The following MRPL38 variants were observed in gnomAD, a reference collection of about 807,000 sequenced individuals.
The protein encoded by MRPL38 is mitochondrial ribosomal protein L38.
MRPL38 carries 51 observed loss-of-function variants against 52.1 expected under a neutral mutation model. The observed-to-expected ratio is 0.98, with a 90% CI of 0.78 to 1.24. The LOEUF (loss-of-function observed/expected upper bound fraction) is 1.24. Ranked by LOEUF, MRPL38 falls within the 50% of genes most tolerant of loss-of-function variation. The probability of loss-of-function intolerance (pLI) is 0.00; values close to 1 mark genes in which losing one functional copy is unlikely to be tolerated. For missense variants in MRPL38, 527 were observed against 518.6 expected, an observed-to-expected ratio of 1.02 and a Z score of -0.16; for synonymous variants, 245 against 212.7, an observed-to-expected ratio of 1.15 and a Z score of -1.32.
Position 75,899,142 on chromosome 17 carries a change from G to T in MRPL38, c.1006+16C>A. 1 of 1,593,848 alleles carries T rather than the reference G, an allele frequency of 6.3e-7. No homozygotes were observed. The highest frequency in any genetic ancestry group is 1.8e-5 in the Admixed American group (1 of 56,584). On this transcript the variant is annotated intron_variant, in intron 8 of 8. Coordinates refer to ENST00000309352, the MANE Select transcript of MRPL38 (RefSeq NM_032478.4). ...GAGCTCAGGCCCACCCAGTGCCCCA[G>T]CCCCATGGCCCTTACCCAGAAGCTG...
rs1437519337 is a variant in MRPL38, at chr17:75,901,130, C to T, written c.664+71G>A. On this transcript the variant is annotated intron_variant, in intron 5 of 8. Coordinates refer to ENST00000309352, the MANE Select transcript of MRPL38 (RefSeq NM_032478.4). The surrounding 1 kb of genome is among the most constrained non-coding windows in gnomAD (Gnocchi z 5.7). The stretch of plus-strand genomic sequence containing the variant: ...CTGGAGATCTCCACCTGGCCCCTCC[C>T]CCAGCCCCCCAGGGCCCTGGCTCAT... 6 of 1,599,374 alleles carry T rather than the reference C, an allele frequency of 3.8e-6. No individual in the cohort carries two copies. Among genetic ancestry groups the T allele is most frequent in the Non-Finnish European group, 5.1e-6 (6 of 1,173,766 alleles).
At position 75,904,655 on chromosome 17, in the gene MRPL38, G is replaced by A. The variant is rs761960297; in HGVS notation, c.132C>T (p.Asn44=). The A allele has an allele frequency of 1.3e-6, 2 of 1,598,548 alleles. No homozygotes were observed. Among genetic ancestry groups the A allele is most frequent in the Non-Finnish European group, 1.7e-6 (2 of 1,178,842 alleles). Residue 44 remains asparagine (N), a synonymous_variant, in exon 2 of 9, where the codon AAC becomes AAT. Coordinates refer to ENST00000309352, the MANE Select transcript of MRPL38 (RefSeq NM_032478.4). ...PMPNSDIDLS[N]LERLEKYRSF... is the part of the protein sequence containing the mutation. Reference sequence around the variant, plus strand: ...TCCGGTACTTCTCCAGCCGCTCCAGGTTGCTCAAGTCGATGTCACTGTTGG... The same window carrying A: ...TCCGGTACTTCTCCAGCCGCTCCAGATTGCTCAAGTCGATGTCACTGTTGG...
At chr17:75,902,287 A>C in intron 2 of MRPL38, 133 bp from the exon 3 acceptor site, 1 of 1,075,240 alleles carries the variant, frequency 9.3e-7, no homozygotes. Context: ...TATTTTTTGT[A>C]GAGACAGGGT....
rs77809424 is a variant in MRPL38 at position 75,899,810 on chromosome 17, G to A, written c.711-136C>T. ...TAAGCATCTCTCTCCTGGGACAGAG[G>A]AGGCAGCCAAGCTCTGTGAACGCCG... On this transcript the variant is annotated intron_variant, in intron 6 of 8. Transcript: ENST00000309352. The A allele has an allele frequency of 1.2e-3, 900 of 720,982 alleles. 17 individuals carry two copies. In the East Asian group the frequency reaches 0.029, roughly 24 times the overall value. 44.7% of individuals were successfully genotyped at this position (720,982 alleles called of 1,614,324 possible).
chr17:75,903,882 C>T (rs1239313598), intron 2 of MRPL38, among the ~76,000 whole-genome samples: 2 of 152,128 alleles, frequency 1.3e-5, no homozygotes, highest in Non-Finnish European at 2.9e-5. Flanking sequence ...GCATGCGACA[C>T]CACGCCCAGT....
intron 6 of MRPL38, 172 bp from the exon 7 acceptor site, chr17:75,899,846 C>T: frequency 2.2e-6 from 1 of 463,034 alleles, no homozygotes; most frequent in East Asian, 3.6e-5. Context: ...GGACATGCTG[C>T]AAATACGGGA....
intron 2 of MRPL38, among the ~76,000 whole-genome samples, chr17:75,903,350 A>G (rs979075439): frequency 1.3e-5 from 2 of 152,216 alleles, no homozygotes; most frequent in South Asian, 2.1e-4. Flanking sequence ...CAGAGGTTGC[A>G]GTGAGTCATC....
At chr17:75,902,527 G>A (rs1858593149) in intron 2 of MRPL38, among the ~76,000 whole-genome samples, 4 of 152,200 alleles carry the variant, frequency 2.6e-5, no homozygotes, top group South Asian at 2.1e-4. Context: ...GATTATAGGC[G>A]CAAGCCACTG....
chr17:75,902,681 C>T (rs972808344), intron 2 of MRPL38, among the ~76,000 whole-genome samples: 4 of 152,206 alleles, frequency 2.6e-5, no homozygotes, highest in Non-Finnish European at 5.9e-5. Flanking sequence ...ACTTCCCAGA[C>T]CTGAATAGGA....
In MRPL38 at chr17:75,902,041, G is replaced by A. The variant is rs368760194; in HGVS notation, c.361C>T (p.Arg121Trp). The change falls in exon 3 of 9, where the codon CGG becomes TGG. Residue 121 changes from arginine to tryptophan, a missense_variant. Coordinates refer to ENST00000309352, the MANE Select transcript of MRPL38 (RefSeq NM_032478.4). ...TTACCTGTGCGGAGGCGGGCAGCCC[G>A]CTCCTCTTCCACATTGGCCCGAAGC... ...QELRANVEEE[R>W]AARLRTASVP... 1.9e-5 allele frequency: 31 copies of A among 1,613,486 alleles called. No homozygotes were observed. The highest frequency in any genetic ancestry group is 1.9e-4 in the African/African-American group (14 of 75,024).
chr17:75,899,131 C>G (rs1345255983), intron 8 of MRPL38, 27 bp downstream of exon 8: 1 of 1,587,768 alleles, frequency 6.3e-7, no homozygotes, highest in East Asian at 2.3e-5. Context: ...TCAGGCCCAC[C>G]CAGTGCCCCA....
chr17:75,904,770 G>GGGGGCCGGCCC, intron 1 of MRPL38, 39 bp downstream of exon 1: 1 of 500,008 alleles, frequency 2.0e-6, no homozygotes, highest in Non-Finnish European at 2.8e-6. Context: ...TCGGGCGACA[G>GGGGGCCGGCCC]CCCCCCCCCC....
chr17:75,899,008 C>T (rs767642278), intron 8 of MRPL38, 22 bp from the exon 9 acceptor site: 18 of 1,575,444 alleles, frequency 1.1e-5, no homozygotes, highest in Non-Finnish European at 1.4e-5. Context: ...GTGAGGGGTA[C>T]GGGGTGGTCT....
In MRPL38 at chr17:75,899,593, G is replaced by A; in HGVS notation, c.792C>T (p.Gly264=). ...AGAGCAGGAAGGCAAGACGGTGGAT[G>A]CCGGAGCCTCGGGCAGGGAAGGGGG... The part of the protein sequence containing the change: ...YLPPFPARGS[G]IHRLAFLLFK... Residue 264 remains glycine, a synonymous_variant, in exon 7 of 9, where the codon GGC becomes GGT. Transcript: ENST00000309352. 2 of 1,608,862 alleles carry A rather than the reference G, an allele frequency of 1.2e-6. No individual in the cohort carries two copies. Among genetic ancestry groups the A allele is most frequent in the Non-Finnish European group, 1.7e-6 (2 of 1,176,924 alleles).
At position 75,904,790 on chromosome 17, in the gene MRPL38, A is replaced by G. The variant is rs1003344998; in HGVS notation, c.67+19T>C. 2.8e-5 allele frequency: 13 copies of G among 459,026 alleles called. No individual in the cohort carries two copies. In the Admixed American group the frequency reaches 3.5e-4, roughly 12 times the overall value. 28.4% of individuals were successfully genotyped at this position (459,026 alleles called of 1,614,324 possible). The stretch of plus-strand genomic sequence containing the variant: ...CGACAGCCCCCCCCCCCCCCCCCGC[A>G]GAGCTGCCCACCCCTCACCCGAGGT... On this transcript the variant is annotated intron_variant, in intron 1 of 8. Coordinates refer to ENST00000309352, the MANE Select transcript of MRPL38 (RefSeq NM_032478.4).
intron 2 of MRPL38, 137 bp downstream of exon 2, chr17:75,904,403 G>A (rs2065418923): frequency 1.1e-6 from 1 of 916,082 alleles, no homozygotes; most frequent in Non-Finnish European, 1.7e-6. Flanking sequence ...GCGCACACAG[G>A]TCTGCAGGCA....
chr17:75,899,841 T>C, intron 6 of MRPL38, 167 bp from the exon 7 acceptor site: 2 of 480,328 alleles, frequency 4.2e-6, no homozygotes, highest in Non-Finnish European at 3.4e-6. Context: ...CGCCGGGACA[T>C]GCTGCAAATA....
At position 75,904,288 on chromosome 17, in the gene MRPL38, G is replaced by A. The variant is rs559044695; in HGVS notation, c.247+252C>T. On this transcript the variant is annotated intron_variant, in intron 2 of 8. Transcript: ENST00000309352. ...GAAAGTCAGGTGGTCAAGATTTTAGGAGCAAATATTTTAGGAGCTGGAACT... is the reference window on the plus strand; with the variant it reads ...GAAAGTCAGGTGGTCAAGATTTTAGAAGCAAATATTTTAGGAGCTGGAACT... 45 of 666,730 alleles carry A rather than the reference G, an allele frequency of 6.7e-5. No homozygotes were observed. In the African/African-American group the frequency reaches 6.8e-4, roughly 10 times the overall value. The allele number at this position is 666,730 out of a possible 1,614,324, so 41.3% of individuals were successfully genotyped here.
At chr17:75,904,770 G>GGCCCCCC in intron 1 of MRPL38, 39 bp downstream of exon 1, 48 of 500,354 alleles carry the variant, frequency 9.6e-5, no homozygotes, top group Non-Finnish European at 1.1e-4. Flanking sequence ...TCGGGCGACA[G>GGCCCCCC]CCCCCCCCCC....
Sources: gnomAD v4.1 joint callset for allele counts (sites outside exome capture counted in the v4.1 genomes callset) on GRCh38, gnomAD v4.1.1 for gene constraint, Gnocchi (gnomAD v3.1) non-coding constraint, MANE v1.5 for transcripts, NCBI Gene and HGNC (gene_info 2026-07-23, HGNC 2026-07-21) for gene names.